Variants in PRDM16 observed in about 807,000 individuals in gnomAD.
PRDM16 encodes the protein PR/SET domain 16, also known as histone-lysine N-methyltransferase PRDM16.
PRDM16 carries 23 observed loss-of-function variants against 110.6 expected under a neutral mutation model. The observed-to-expected ratio is 0.21, with a 90% CI of 0.15 to 0.29. The LOEUF (loss-of-function observed/expected upper bound fraction) is 0.29, where lower values mean the gene tolerates loss of function less well. Among genes scored for constraint, PRDM16 ranks in the 10% least tolerant of loss-of-function variants. The probability of loss-of-function intolerance (pLI) is 1.00; values close to 1 mark genes in which losing one functional copy is unlikely to be tolerated. For synonymous variants in PRDM16, 799 were observed against 781.8 expected (o/e 1.02, Z -0.37); for missense variants, 1,615 against 1,794.3 (o/e 0.90, Z 1.81).
chr1:3,381,982 C>T (rs761817781), intron 3 of PRDM16, among the ~76,000 whole-genome samples: 57 of 152,284 alleles, frequency 3.7e-4, no homozygotes, highest in Admixed American at 1.6e-3. Context: ...GGAGGGGGGG[C>T]CTCGTGGGTC....
At chr1:3,371,924 G>A (rs77041408) in intron 3 of PRDM16, among the ~76,000 whole-genome samples, 3,596 of 152,358 alleles carry the variant, frequency 0.024, 131 homozygotes, top group African/African-American at 0.078. Flanking sequence ...CAATGACTCA[G>A]TGGTGAGTCT....
At chr1:3,279,332 C>T (rs961683463) in intron 3 of PRDM16, among the ~76,000 whole-genome samples, 1 of 152,188 alleles carries the variant, frequency 6.6e-6, no homozygotes, top group Non-Finnish European at 1.5e-5. Context: ...AGATGTTCTC[C>T]CCTCAGATCT....
intron 2 of PRDM16, among the ~76,000 whole-genome samples, chr1:3,193,567 G>C (rs1638374682): frequency 6.6e-6 from 1 of 152,210 alleles, no homozygotes; most frequent in Admixed American, 6.5e-5. Flanking sequence ...ATCCCATCCG[G>C]CTCTGGGGGA....
intron 1 of PRDM16, among the ~76,000 whole-genome samples, chr1:3,099,577 A>G (rs888951096): frequency 6.6e-6 from 1 of 152,196 alleles, no homozygotes; most frequent in Non-Finnish European, 1.5e-5. Flanking sequence ...TGGGGTGCTC[A>G]GAAATATTCC....
chr1:3,408,067 G>A (rs1204193318), intron 8 of PRDM16, among the ~76,000 whole-genome samples: 1 of 152,224 alleles, frequency 6.6e-6, no homozygotes, highest in Admixed American at 6.5e-5. Flanking sequence ...CTTCAGGCTT[G>A]GAGAGGAGAA....
rs910106380 is a variant in PRDM16, at chr1:3,114,609, C to T, written c.37+45313C>T. On this transcript the variant is annotated intron_variant, in intron 1 of 16. Coordinates refer to ENST00000270722, the MANE Select transcript of PRDM16 (RefSeq NM_022114.4). ...AAGAACACACGTGCACATGCACACACGTGCATACACACATGAACACACACA... is the reference window on the plus strand; with the variant it reads ...AAGAACACACGTGCACATGCACACATGTGCATACACACATGAACACACACA... Among the ~76,000 whole-genome samples, 10 of 151,200 alleles carry T rather than the reference C, an allele frequency of 6.6e-5. No individual in the cohort carries two copies. The East Asian group carries it at 2.0e-3, about 30-fold the overall frequency.
chr1:3,238,422 T>C (rs1639586774), intron 2 of PRDM16, among the ~76,000 whole-genome samples: 1 of 152,214 alleles, frequency 6.6e-6, no homozygotes, highest in Admixed American at 6.5e-5. Context: ...AACTGAGAAG[T>C]AACTGTTTAG....
At chr1:3,351,998 A>G (rs1019454213) in intron 3 of PRDM16, among the ~76,000 whole-genome samples, 6 of 151,956 alleles carry the variant, frequency 3.9e-5, no homozygotes, top group Admixed American at 1.3e-4. Flanking sequence ...CTCCCCAAAG[A>G]GCAAGATGAC....
chr1:3,340,994 G>T (rs1642259047), intron 3 of PRDM16, among the ~76,000 whole-genome samples: 1 of 152,174 alleles, frequency 6.6e-6, no homozygotes, highest in Non-Finnish European at 1.5e-5. Flanking sequence ...GGGCTGTGTG[G>T]CAGCTGAAGG....
At chr1:3,293,227 G>T (rs1465056225) in intron 3 of PRDM16, among the ~76,000 whole-genome samples, 1 of 152,230 alleles carries the variant, frequency 6.6e-6, no homozygotes, top group Non-Finnish European at 1.5e-5. Context: ...CTAAGTCGGG[G>T]CGAGGGGGCC....
Position 3,084,728 on chromosome 1 carries a change from GA to G in PRDM16, c.37+15437del, listed in dbSNP as rs143069097. 4.8e-3 allele frequency among the ~76,000 whole-genome samples: 727 copies of G among 152,302 alleles called. 9 individuals carry two copies. The highest frequency in any genetic ancestry group is 0.037 in the East Asian group (191 of 5,170). On this transcript the variant is annotated intron_variant, in intron 1 of 16. Coordinates refer to ENST00000270722, the MANE Select transcript of PRDM16 (RefSeq NM_022114.4). ...CCGCTTCAAAAAACACAGTGGGGCA[GA>G]AAAACGTCCAGAGAGGCCCAGGCAG...
chr1:3,334,450 C>G (rs1642104718), intron 3 of PRDM16, among the ~76,000 whole-genome samples: 1 of 150,092 alleles, frequency 6.7e-6, no homozygotes, highest in Non-Finnish European at 1.5e-5. Flanking sequence ...AGGGTCATTT[C>G]TGAAGTGAAG....
In PRDM16 at chr1:3,437,128, G is replaced by A; in HGVS notation, c.*3317G>A. 4.3e-6 allele frequency: 1 copy of A among 231,460 alleles called. No individual in the cohort carries two copies. Among genetic ancestry groups the A allele is most frequent in the Non-Finnish European group, 8.5e-6 (1 of 117,158 alleles). The allele number at this position is 231,460 out of a possible 1,614,324, so 14.3% of individuals were successfully genotyped here. A position where few individuals can be genotyped will look rare whatever the true frequency, so the allele number is the denominator to read the frequency against. On this transcript the variant is annotated 3_prime_UTR_variant, in exon 17 of 17. Transcript: ENST00000270722. ...GGATCGAGCCCCTGCACCCTGCCTG[G>A]GGCCCTGGGGTGTGGAGCAGTGGCT...
intron 2 of PRDM16, among the ~76,000 whole-genome samples, chr1:3,215,533 G>C (rs1003857648): frequency 2.6e-5 from 4 of 152,136 alleles, no homozygotes; most frequent in African/African-American, 9.7e-5. Flanking sequence ...TGGGGGCCCT[G>C]CCTATAGAGC....
At chr1:3,364,479 C>G (rs917822327) in intron 3 of PRDM16, among the ~76,000 whole-genome samples, 3 of 152,200 alleles carry the variant, frequency 2.0e-5, no homozygotes, top group Non-Finnish European at 4.4e-5. Flanking sequence ...TCTGGACAAG[C>G]CCCCGGAGGA....
chr1:3,258,379 A>G (rs1373981360), intron 3 of PRDM16, among the ~76,000 whole-genome samples: 3 of 152,144 alleles, frequency 2.0e-5, no homozygotes, highest in Non-Finnish European at 1.5e-5. Flanking sequence ...TTTCTTATTG[A>G]GTAATATTTC....
In PRDM16 at chr1:3,356,593, G is replaced by A. The variant is rs1026973896; in HGVS notation, c.439-28559G>A. On this transcript the variant is annotated intron_variant, in intron 3 of 16. Transcript: ENST00000270722. ...CAGCTGCCAAGACAGCCCATGGAGC[G>A]TTTGCTGTGTCTGGACGCTGTTCTA... Among the ~76,000 whole-genome samples, 12 of 152,328 alleles carry A rather than the reference G, an allele frequency of 7.9e-5. No individual in the cohort carries two copies. The South Asian group carries it at 8.3e-4, about 11-fold the overall frequency.
chr1:3,394,800 G>T (rs1307449348), intron 4 of PRDM16, among the ~76,000 whole-genome samples: 1 of 152,032 alleles, frequency 6.6e-6, no homozygotes, highest in East Asian at 1.9e-4. Context: ...TAATACAGTG[G>T]CTCAAGTTTC....
At chr1:3,328,482 G>A (rs1008338360) in intron 3 of PRDM16, among the ~76,000 whole-genome samples, 4 of 152,250 alleles carry the variant, frequency 2.6e-5, no homozygotes, top group South Asian at 2.1e-4. Context: ...CCTGGCAGCC[G>A]GGGCTCTTAG....
Sources: gnomAD v4.1 joint callset for allele counts (sites outside exome capture counted in the v4.1 genomes callset) on GRCh38, gnomAD v4.1.1 for gene constraint, MANE v1.5 for transcripts, NCBI Gene and HGNC (gene_info 2026-07-23, HGNC 2026-07-21) for gene names.